Variants in FAM124A observed in about 807,000 individuals in gnomAD.
FAM124A encodes protein FAM124A.
A neutral mutation model predicts 24.5 loss-of-function variants in FAM124A; 23 were observed. The observed-to-expected ratio is 0.94, with a 90% CI of 0.68 to 1.33. The LOEUF (loss-of-function observed/expected upper bound fraction) is 1.33. Among genes scored for constraint, FAM124A ranks in the 40% most tolerant of loss-of-function variants. The pLI, the probability that FAM124A is intolerant of heterozygous loss-of-function variation, is 0.00. For missense variants in FAM124A, 623 were observed against 722.8 expected (o/e 0.86, Z 1.58); for synonymous variants, 287 against 314.7 (o/e 0.91, Z 0.93).
chr13:51,269,774 C>T (rs1348470061), intron 3 of FAM124A, among the ~76,000 whole-genome samples: 1 of 152,172 alleles, frequency 6.6e-6, no homozygotes, highest in African/African-American at 2.4e-5. Context: ...AAATTGGTAA[C>T]TTTAATTAAT....
At chr13:51,278,812 A>C (rs1320418967) in intron 3 of FAM124A, among the ~76,000 whole-genome samples, 1 of 152,168 alleles carries the variant, frequency 6.6e-6, no homozygotes, top group Non-Finnish European at 1.5e-5. Flanking sequence ...CTGCAAAACT[A>C]CACAGTGTTC....
intron 3 of FAM124A, among the ~76,000 whole-genome samples, chr13:51,276,414 A>G (rs980019540): frequency 6.6e-6 from 1 of 152,246 alleles, no homozygotes; most frequent in Non-Finnish European, 1.5e-5. Flanking sequence ...AGCGACAGGA[A>G]GAGAAGGTAG....
At chr13:51,230,744 G>A (rs139049765) in intron 1 of FAM124A, among the ~76,000 whole-genome samples, 3 of 152,334 alleles carry the variant, frequency 2.0e-5, no homozygotes, top group African/African-American at 7.2e-5. Context: ...GCCTTAGCCT[G>A]CCTTTTCCCT....
intron 1 of FAM124A, among the ~76,000 whole-genome samples, chr13:51,224,921 C>A (rs1954301753): frequency 6.6e-6 from 1 of 152,060 alleles, no homozygotes; most frequent in Non-Finnish European, 1.5e-5. Flanking sequence ...GTCAAGCTGC[C>A]CTCTTTGCCA....
intron 2 of FAM124A, among the ~76,000 whole-genome samples, chr13:51,247,010 G>C (rs188740189): frequency 7.4e-4 from 112 of 152,368 alleles, no homozygotes; most frequent in African/African-American, 2.5e-3. Context: ...CGAGGGCACT[G>C]CTGAGATGTG....
intron 2 of FAM124A, among the ~76,000 whole-genome samples, chr13:51,245,584 T>C (rs1236005284): frequency 6.6e-6 from 1 of 152,264 alleles, no homozygotes; most frequent in Non-Finnish European, 1.5e-5. Flanking sequence ...GGCTCTTTTA[T>C]ACTCACTATG....
intron 3 of FAM124A, among the ~76,000 whole-genome samples, chr13:51,256,560 T>C (rs1338960834): frequency 1.3e-5 from 2 of 152,054 alleles, no homozygotes; most frequent in Non-Finnish European, 2.9e-5. Context: ...AGCAAGGAGA[T>C]TGACTGGGCC....
Position 51,236,201 on chromosome 13 carries a change from G to A in FAM124A, c.100+4822G>A, listed in dbSNP as rs115994875. 7.3e-3 allele frequency among the ~76,000 whole-genome samples: 1,111 copies of A among 152,264 alleles called. 14 individuals carry two copies. The highest frequency in any genetic ancestry group is 0.026 in the African/African-American group (1,073 of 41,540). The stretch of plus-strand genomic sequence containing the variant: ...AGAAAAGGGGTCAGGTGGATCACAG[G>A]TGTTTTTCAAATAGGGAAGTCCAGG... On this transcript the variant is annotated intron_variant, in intron 2 of 3. Coordinates refer to ENST00000322475, the MANE Select transcript of FAM124A (RefSeq NM_001242312.2).
intron 1 of FAM124A, among the ~76,000 whole-genome samples, chr13:51,225,767 G>A (rs2137640172): frequency 1.3e-5 from 2 of 152,240 alleles, no homozygotes; most frequent in South Asian, 4.2e-4. Context: ...GAAGGCAGTA[G>A]AAGGTGAAGA....
intron 2 of FAM124A, among the ~76,000 whole-genome samples, chr13:51,234,834 C>T (rs1251976512): frequency 6.6e-6 from 1 of 152,188 alleles, no homozygotes; most frequent in African/African-American, 2.4e-5. Context: ...TTCTCTGAAC[C>T]GTGAGCTGCC....
At position 51,282,221 on chromosome 13, in the gene FAM124A, T is replaced by G. The variant is rs2137719602; in HGVS notation, c.*965T>G. ...AGTGACCATGCTGGGTCACGCATCC[T>G]ATGTTTCTCATTTTTAAATGATTTG... On this transcript the variant is annotated 3_prime_UTR_variant, in exon 4 of 4. Coordinates refer to ENST00000322475, the MANE Select transcript of FAM124A (RefSeq NM_001242312.2). 6.6e-6 allele frequency: 1 copy of G among 152,382 alleles called. No homozygotes were observed. Among genetic ancestry groups the G allele is most frequent in the African/African-American group, 2.4e-5 (1 of 41,596 alleles). The allele number at this position is 152,382 out of a possible 1,614,324, so 9.4% of individuals were successfully genotyped here. A position where few individuals can be genotyped will look rare whatever the true frequency, so the allele number is the denominator to read the frequency against.
intron 1 of FAM124A, among the ~76,000 whole-genome samples, chr13:51,229,980 C>T (rs1272806141): frequency 6.6e-6 from 1 of 152,172 alleles, no homozygotes; most frequent in African/African-American, 2.4e-5. Flanking sequence ...TCTCCACCCA[C>T]CGTGCACACT....
intron 1 of FAM124A, among the ~76,000 whole-genome samples, chr13:51,225,728 G>C (rs1452134131): frequency 6.6e-6 from 1 of 152,156 alleles, no homozygotes; most frequent in East Asian, 1.9e-4. Flanking sequence ...CGGGGTGGTG[G>C]AGGCAGGAGC....
rs560839719 is a variant in FAM124A at position 51,251,903 on chromosome 13, G to T, written c.536G>T (p.Arg179Leu). 27 of 1,614,124 alleles carry T rather than the reference G, an allele frequency of 1.7e-5. No homozygotes were observed. The African/African-American group carries it at 3.6e-4, about 22-fold the overall frequency. Reference protein sequence around the residue: ...KEIVRFTVYCRYDNYADSLRF... With the variant: ...KEIVRFTVYCLYDNYADSLRF... ...ATCGTGCGCTTCACCGTCTACTGTC[G>T]CTACGACAACTATGCTGACAGCCTC... Residue 179 changes from arginine (R) to leucine (L), a missense_variant, in exon 3 of 4, where the codon CGC (arginine) becomes CTC (leucine). Coordinates refer to ENST00000322475, the MANE Select transcript of FAM124A (RefSeq NM_001242312.2). This position sits in a 1 kb window ranked among gnomAD's most constrained non-coding sequence, Gnocchi z 5.3.
chr13:51,261,134 C>T (rs555718310), intron 3 of FAM124A, among the ~76,000 whole-genome samples: 6 of 152,320 alleles, frequency 3.9e-5, no homozygotes, highest in South Asian at 2.1e-4. Flanking sequence ...AGCAGCTACT[C>T]GGTAAGCATT....
At position 51,258,391 on chromosome 13, in the gene FAM124A, C is replaced by A. The variant is rs1954697135; in HGVS notation, c.834+6190C>A. Among the ~76,000 whole-genome samples the A allele has an allele frequency of 6.6e-6, 1 of 152,068 alleles. No individual in the cohort carries two copies. The highest frequency in any genetic ancestry group is 2.4e-5 in the African/African-American group (1 of 41,382). On this transcript the variant is annotated intron_variant, in intron 3 of 3. Coordinates refer to ENST00000322475, the MANE Select transcript of FAM124A (RefSeq NM_001242312.2). This position sits in a 1 kb window ranked among gnomAD's most constrained non-coding sequence, Gnocchi z 4.2. ...ATCTGTTTACTTGTATCTGATCTGT[C>A]TCTGTTATTATATTGTCAAAAAATG...
At chr13:51,231,218 G>T in intron 1 of FAM124A, 130 bp from the exon 2 acceptor site, 1 of 942,144 alleles carries the variant, frequency 1.1e-6, no homozygotes, top group South Asian at 1.4e-5. Flanking sequence ...ATGAGCCTTA[G>T]CACTGCAGTT....
intron 2 of FAM124A, chr13:51,245,198 T>G: frequency 2.2e-6 from 1 of 448,218 alleles, no homozygotes; most frequent in Non-Finnish European, 4.0e-6. Context: ...AAAAGATTGG[T>G]CGGACCAGGT....
At chr13:51,256,634 T>A (rs1954677957) in intron 3 of FAM124A, among the ~76,000 whole-genome samples, 1 of 152,210 alleles carries the variant, frequency 6.6e-6, no homozygotes, top group African/African-American at 2.4e-5. Flanking sequence ...CCACTGGGGA[T>A]GTGATGAGGG....
Sources: allele counts gnomAD v4.1 joint callset (sites outside exome capture counted in the v4.1 genomes callset), GRCh38; gene constraint gnomAD v4.1.1; non-coding constraint Gnocchi (gnomAD v3.1); transcripts MANE v1.5; gene names NCBI Gene and HGNC (gene_info 2026-07-23, HGNC 2026-07-21).